MYCBPAP: variants seen among roughly 807,000 people sequenced by gnomAD.
The protein encoded by MYCBPAP is MYCBP-associated protein.
A neutral mutation model predicts 106.1 loss-of-function variants in MYCBPAP; 60 were observed. That is an observed-to-expected ratio of 0.57 (90% CI 0.46 to 0.70). The LOEUF (loss-of-function observed/expected upper bound fraction) is 0.70. MYCBPAP is among the 30% of genes least tolerant of loss of function. The probability of loss-of-function intolerance (pLI) is 0.00; values close to 1 mark genes in which losing one functional copy is unlikely to be tolerated. For missense variants in MYCBPAP, 1,064 were observed against 1,169.3 expected, an observed-to-expected ratio of 0.91 and a Z score of 1.31; for synonymous variants, 407 against 440.6, an observed-to-expected ratio of 0.92 and a Z score of 0.95.
intron 2 of MYCBPAP, among the ~76,000 whole-genome samples, chr17:50,516,920 A>T (rs1301711761): frequency 6.6e-6 from 1 of 152,198 alleles, no homozygotes; most frequent in Non-Finnish European, 1.5e-5. Flanking sequence ...AAATGAGATG[A>T]TGAGGTATCT....
intron 5 of MYCBPAP, 58 bp from the exon 6 acceptor site, chr17:50,518,916 C>G: frequency 6.5e-7 from 1 of 1,538,640 alleles, no homozygotes; most frequent in Non-Finnish European, 9.0e-7. Context: ...TGCAGACTGC[C>G]AAGGCCCCTG....
rs769342682 is a variant in MYCBPAP, at chr17:50,519,111, G to C, written c.768+22G>C. On this transcript the variant is annotated intron_variant, in intron 6 of 18. Coordinates refer to ENST00000323776, the MANE Select transcript of MYCBPAP (RefSeq NM_032133.6). The stretch of plus-strand genomic sequence containing the variant: ...GAAAGTGAGGCCACCTGTCCTAAGT[G>C]CCCGGGGGCAGGGGGGTCCATGGAG... 4 of 1,422,036 alleles carry C rather than the reference G, an allele frequency of 2.8e-6. No homozygotes were observed. In the East Asian group the frequency reaches 1.4e-4, roughly 50 times the overall value. The allele number at this position is 1,422,036 out of a possible 1,614,324, so 88.1% of individuals were successfully genotyped here.
In MYCBPAP at chr17:50,518,991, G is replaced by T. The variant is rs2034155930; in HGVS notation, c.670G>T (p.Val224Leu). The T allele has an allele frequency of 6.2e-7, 1 of 1,613,968 alleles. No individual in the cohort carries two copies. ...CTCTCTAGAACACCTAAAGAAGCCA[G>T]TGAGTGAGCTGCTCATGCACACCGG... is the stretch of plus-strand genomic sequence containing the variant. Reference protein sequence around the residue: ...EALSEHLKKPVSELLMHTGET... With the variant: ...EALSEHLKKPLSELLMHTGET... The change falls in exon 6 of 19, where the codon GTG becomes TTG. Residue 224 changes from valine (V) to leucine (L), a missense_variant. Transcript: ENST00000323776.
At chr17:50,524,840 C>G in intron 12 of MYCBPAP, 37 bp from the exon 13 acceptor site, 2 of 1,600,902 alleles carry the variant, frequency 1.2e-6, no homozygotes, top group Non-Finnish European at 1.7e-6. Context: ...GTTTTGATAG[C>G]CTGGGCTGCC....
rs369093345 is a variant in MYCBPAP at position 50,521,449 on chromosome 17, C to T, written c.1148+18C>T. 2.0e-4 allele frequency: 315 copies of T among 1,541,502 alleles called. No homozygotes were observed. The highest frequency in any genetic ancestry group is 2.5e-4 in the Non-Finnish European group (278 of 1,129,606). On this transcript the variant is annotated intron_variant, in intron 9 of 18. Coordinates refer to ENST00000323776, the MANE Select transcript of MYCBPAP (RefSeq NM_032133.6). ...GCATACTTGTGAGTGCAGCCTGAACCCTGGGGAGAGAGGCTGAAGAGTTCT... is the reference window on the plus strand; with the variant it reads ...GCATACTTGTGAGTGCAGCCTGAACTCTGGGGAGAGAGGCTGAAGAGTTCT...
At chr17:50,508,133 A>G (rs1286114405), upstream of MYCBPAP, among the ~76,000 whole-genome samples, 1 of 102,784 alleles carries the variant, frequency 9.7e-6, no homozygotes, top group Non-Finnish European at 1.8e-5. Context: ...CACGTCCTGA[A>G]AGGCCCGATC....
At position 50,528,998 on chromosome 17, in the gene MYCBPAP, G is replaced by A; in HGVS notation, c.2554-20G>A. On this transcript the variant is annotated intron_variant, in intron 17 of 18. Coordinates refer to ENST00000323776, the MANE Select transcript of MYCBPAP (RefSeq NM_032133.6). The stretch of plus-strand genomic sequence containing the variant: ...CCTCTGGAGCTCCTGAAGGCTATGT[G>A]TGTCTCCCTCCCCCAGCAGGACCGT... 6.2e-7 allele frequency: 1 copy of A among 1,610,798 alleles called. No individual in the cohort carries two copies. Among genetic ancestry groups the A allele is most frequent in the Non-Finnish European group, 8.5e-7 (1 of 1,178,312 alleles).
intron 6 of MYCBPAP, 161 bp from the exon 7 acceptor site, chr17:50,519,479 G>C: frequency 1.1e-6 from 1 of 874,356 alleles, no homozygotes; most frequent in Non-Finnish European, 1.7e-6. Flanking sequence ...AGGGTGTCCA[G>C]AAAACACGGC....
chr17:50,517,059 A>T (rs1001235786), intron 2 of MYCBPAP, among the ~76,000 whole-genome samples: 3 of 152,132 alleles, frequency 2.0e-5, no homozygotes, highest in Non-Finnish European at 4.4e-5. Context: ...AGAGTCAGCC[A>T]TCTCTCACCC....
chr17:50,508,712 C>T lies in MYCBPAP; in HGVS notation c.38C>T (p.Thr13Ile). The T allele has an allele frequency of 6.2e-7, 1 of 1,611,994 alleles. No individual in the cohort carries two copies. The highest frequency in any genetic ancestry group is 1.1e-5 in the South Asian group (1 of 90,608). ...AAGAAGGATTCCCGCCTCAGAATAA[C>T]TCCGACCAGATTATTAGAGGCCTCA... ...SLKKDSRLRI[T>I]PTRLLEASEN... Residue 13 changes from threonine to isoleucine, a missense_variant, in exon 1 of 19, where the codon ACT (threonine) becomes ATT (isoleucine). Transcript: ENST00000323776.
Position 50,517,325 on chromosome 17 carries a change from T to TAA in MYCBPAP, c.239_240dup (p.Arg81AsnfsTer26). ...TTCCTCGCCTTACTGAAAAGGAAGA[T>TAA]AAACGTGTCATCACCCAGAAATTTA... On this transcript the variant is annotated frameshift_variant, in exon 3 of 19. Transcript: ENST00000323776. LOFTEE classifies it high-confidence loss of function. The TAA allele has an allele frequency of 6.2e-7, 1 of 1,614,150 alleles. No individual in the cohort carries two copies. The highest frequency in any genetic ancestry group is 8.5e-7 in the Non-Finnish European group (1 of 1,180,026).
chr17:50,523,149 T>C (rs2034338876), intron 11 of MYCBPAP, 21 bp downstream of exon 11: 1 of 1,609,154 alleles, frequency 6.2e-7, no homozygotes, highest in Non-Finnish European at 8.5e-7. Context: ...GAAGCCACCC[T>C]ATGTGCTAGC....
chr17:50,526,874 C>A (rs1286854974), intron 14 of MYCBPAP, among the ~76,000 whole-genome samples: 11 of 152,200 alleles, frequency 7.2e-5, no homozygotes, highest in African/African-American at 2.7e-4. Flanking sequence ...AGCCACCACG[C>A]CAGGCCAATT....
At chr17:50,517,237 G>C (rs576830707) in intron 2 of MYCBPAP, 56 bp from the exon 3 acceptor site, 1 of 1,527,428 alleles carries the variant, frequency 6.5e-7, no homozygotes, top group African/African-American at 1.4e-5. Flanking sequence ...GAGATGGGTG[G>C]TGCTCTTCCT....
intron 11 of MYCBPAP, 127 bp downstream of exon 11, chr17:50,523,255 T>C: frequency 3.2e-6 from 3 of 923,774 alleles, no homozygotes; most frequent in Admixed American, 2.4e-5. Context: ...GCCTTGTCCC[T>C]CTCATTCCTT....
chr17:50,519,283 G>A (rs1191380415), intron 6 of MYCBPAP, 194 bp downstream of exon 6: 2 of 596,464 alleles, frequency 3.4e-6, no homozygotes, highest in South Asian at 2.1e-5. Context: ...TATTCAGCCT[G>A]TGGTGACCAC....
intron 1 of MYCBPAP, among the ~76,000 whole-genome samples, chr17:50,514,661 G>T (rs1042688266): frequency 7.4e-5 from 11 of 148,118 alleles, no homozygotes; most frequent in Middle Eastern, 3.6e-3. Flanking sequence ...AGTCATGCAG[G>T]TTTTTTTTTT....
intron 9 of MYCBPAP, 71 bp downstream of exon 9, chr17:50,521,502 G>A: frequency 8.2e-7 from 1 of 1,214,066 alleles, no homozygotes; most frequent in Non-Finnish European, 1.2e-6. Context: ...TAAAGAGCGG[G>A]CTTCCCTCCC....
In MYCBPAP at chr17:50,530,788, G is replaced by A. The variant is rs138282387; in HGVS notation, c.2725-539G>A. 1.2e-3 allele frequency among the ~76,000 whole-genome samples: 182 copies of A among 152,206 alleles called. 1 individual carries two copies. The highest frequency in any genetic ancestry group is 4.1e-3 in the African/African-American group (170 of 41,528). On this transcript the variant is annotated intron_variant, in intron 18 of 18. Transcript: ENST00000323776. ...GGCTGAGCCCAGGCCCACCCCAAACGGCTAAATGGGCACCGCTCCATGGGC... is the reference window on the plus strand; with the variant it reads ...GGCTGAGCCCAGGCCCACCCCAAACAGCTAAATGGGCACCGCTCCATGGGC...
Sources: allele counts gnomAD v4.1 joint callset (sites outside exome capture counted in the v4.1 genomes callset), GRCh38; gene constraint gnomAD v4.1.1; transcripts MANE v1.5; gene names NCBI Gene and HGNC (gene_info 2026-07-23, HGNC 2026-07-21).